TMPRSS9: variants seen among roughly 807,000 people sequenced by gnomAD.
TMPRSS9 encodes the protein transmembrane serine protease 9, also known as transmembrane protease serine 9.
In TMPRSS9, 113 loss-of-function variants were observed where a neutral mutation model predicts 111.4. That is an observed-to-expected ratio of 1.01 (90% CI 0.87 to 1.19). The LOEUF is 1.19. TMPRSS9 is among the 50% of genes most tolerant of loss of function. The probability of loss-of-function intolerance (pLI) is 0.00; values close to 1 mark genes in which losing one functional copy is unlikely to be tolerated. For synonymous variants in TMPRSS9, 805 were observed against 659.1 expected, an observed-to-expected ratio of 1.22 and a Z score of -3.39; for missense variants, 1,803 against 1,513.1, an observed-to-expected ratio of 1.19 and a Z score of -3.18.
upstream of TMPRSS9, among the ~76,000 whole-genome samples, chr19:2,386,135 A>G (rs974745204): frequency 9.2e-5 from 14 of 152,012 alleles, no homozygotes; most frequent in Non-Finnish European, 2.1e-4. Context: ...TTTTCTGTCG[A>G]CATGGGGTCT....
At chr19:2,389,973 T>C (rs200971317) in intron 1 of TMPRSS9, 46 bp downstream of exon 2, 4 of 1,579,648 alleles carry the variant, frequency 2.5e-6, no homozygotes, top group Non-Finnish European at 3.5e-6. Flanking sequence ...AAGGGACATG[T>C]GCAAAGTCAC....
chr19:2,418,569 TGG>T (rs1194495489), intron 13 of TMPRSS9, among the ~76,000 whole-genome samples: 1 of 5,678 alleles, frequency 1.8e-4, no homozygotes, highest in Non-Finnish European at 4.4e-4. Flanking sequence ...CTTCCCTCCC[TGG>T]CCTTTCCTTC....
chr19:2,368,524 G>C (rs1216704598), intron 1 of TMPRSS9, among the ~76,000 whole-genome samples: 2 of 152,140 alleles, frequency 1.3e-5, no homozygotes, highest in Non-Finnish European at 2.9e-5. Flanking sequence ...CCCGGTCGCT[G>C]TGGGGAGGTT....
chr19:2,378,820 T>C lies in TMPRSS9; in HGVS notation c.-25-10941T>C, dbSNP rs192083114. Among the ~76,000 whole-genome samples the C allele has an allele frequency of 1.1e-3, 161 of 152,270 alleles. 1 individual carries two copies. The highest frequency in any genetic ancestry group is 3.8e-3 in the African/African-American group (156 of 41,546). On this transcript the variant is annotated intron_variant, in intron 1 of 17. Transcript: ENST00000649857. ...GGAGGCCTCAGGAAACTTACAATCA[T>C]GGCGGAAGGAGGAGCAAACATGTCC...
At chr19:2,394,315 A>T (rs2145296450) in intron 1 of TMPRSS9, among the ~76,000 whole-genome samples, 1 of 152,270 alleles carries the variant, frequency 6.6e-6, no homozygotes, top group South Asian at 2.1e-4. Flanking sequence ...TGAGCCCATG[A>T]GGTCGAGGCT....
chr19:2,382,427 C>T (rs1459162645), intron 1 of TMPRSS9, among the ~76,000 whole-genome samples: 3 of 152,162 alleles, frequency 2.0e-5, no homozygotes, highest in East Asian at 1.9e-4. Context: ...CCACCGCGCC[C>T]GGTCAAAACA....
At chr19:2,425,542 GA>G in intron 17 of TMPRSS9, 49 bp downstream of exon 18, 1 of 1,480,510 alleles carries the variant, frequency 6.8e-7, no homozygotes, top group Non-Finnish European at 8.9e-7. Context: ...AGCCGCCGGG[GA>G]GGGCGGGTTC....
chr19:2,361,588 C>T (rs1418889887), intron 1 of TMPRSS9, among the ~76,000 whole-genome samples: 2 of 152,138 alleles, frequency 1.3e-5, no homozygotes, highest in Non-Finnish European at 2.9e-5. Context: ...GCAGGAAACC[C>T]AGGCTGGGGA....
intron 14 of TMPRSS9, 99 bp downstream of exon 15, chr19:2,422,346 G>A (rs569341781): frequency 1.3e-5 from 18 of 1,371,462 alleles, no homozygotes; most frequent in Middle Eastern, 2.7e-4. Flanking sequence ...TTGGGAGGCC[G>A]AGGCGGGCGG....
chr19:2,390,008 C>T, intron 1 of TMPRSS9, 81 bp downstream of exon 2: 1 of 1,523,312 alleles, frequency 6.6e-7, no homozygotes, highest in South Asian at 1.2e-5. Flanking sequence ...ATGGTGTCTC[C>T]TTGGCCATCT....
Position 2,405,340 on chromosome 19 carries a change from G to C in TMPRSS9, c.671-34G>C, listed in dbSNP as rs776018765. On this transcript the variant is annotated intron_variant, in intron 6 of 17. Coordinates refer to ENST00000648592, the Ensembl canonical transcript of TMPRSS9. ...GAGTTCAGGGTGAGGTCCTGCCTTCGTGGGGTCATGGCTGGTGACCTGCTG... is the reference window on the plus strand; with the variant it reads ...GAGTTCAGGGTGAGGTCCTGCCTTCCTGGGGTCATGGCTGGTGACCTGCTG... The C allele has an allele frequency of 9.7e-5, 151 of 1,555,456 alleles. 1 individual carries two copies. Among genetic ancestry groups the C allele is most frequent in the Middle Eastern group, 3.4e-4 (2 of 5,868 alleles).
chr19:2,417,626 C>T (rs1307364589), intron 12 of TMPRSS9, among the ~76,000 whole-genome samples: 1 of 152,084 alleles, frequency 6.6e-6, no homozygotes, highest in Non-Finnish European at 1.5e-5. Context: ...CCAGCCTGGG[C>T]AACAGAGCAA....
intron 15 of TMPRSS9, among the ~76,000 whole-genome samples, 177 bp from the exon 17 acceptor site, chr19:2,424,825 C>T (rs1568194633): frequency 6.6e-6 from 1 of 152,104 alleles, no homozygotes; most frequent in Non-Finnish European, 1.5e-5. Flanking sequence ...GGCTGCAGTT[C>T]CCGGTGCCGC....
intron 1 of TMPRSS9, among the ~76,000 whole-genome samples, chr19:2,377,289 GTATA>G (rs1329059774): frequency 1.2e-3 from 133 of 110,138 alleles, no homozygotes; most frequent in African/African-American, 2.2e-3. Context: ...ATGTATGTAT[GTATA>G]TATGTATGTA....
chr19:2,402,382 C>T (rs1389025299), intron 5 of TMPRSS9, among the ~76,000 whole-genome samples: 1 of 152,034 alleles, frequency 6.6e-6, no homozygotes, highest in Non-Finnish European at 1.5e-5. Flanking sequence ...GCAGAGGCTG[C>T]GGTGAGCTGA....
At chr19:2,394,785 C>CT (rs1970673130) in intron 1 of TMPRSS9, among the ~76,000 whole-genome samples, 1 of 128,186 alleles carries the variant, frequency 7.8e-6, no homozygotes, top group Non-Finnish European at 1.6e-5. Flanking sequence ...TAATTACGGC[C>CT]ATTTTTTTTG....
At chr19:2,402,137 C>T (rs918657120) in intron 5 of TMPRSS9, 121 bp downstream of exon 6, 15 of 821,194 alleles carry the variant, frequency 1.8e-5, no homozygotes, top group African/African-American at 5.5e-5. Flanking sequence ...TCACATCTGT[C>T]GTCCCAGCAC....
chr19:2,405,546 G>A lies in TMPRSS9; in HGVS notation c.842+1G>A. The A allele has an allele frequency of 1.9e-6, 3 of 1,554,076 alleles. No individual in the cohort carries two copies. Among genetic ancestry groups the A allele is most frequent in the Non-Finnish European group, 1.7e-6 (2 of 1,152,460 alleles). ...TGTCTGCTGCTCACTGCTTCAATGA[G>A]TAAGCCCCCATCCCAAAGCACCAAA... On this transcript the variant is annotated splice_donor_variant, in intron 7 of 17. Coordinates refer to ENST00000648592, the Ensembl canonical transcript of TMPRSS9. LOFTEE classifies it high-confidence loss of function.
chr19:2,423,719 G>A (rs1304768038), intron 14 of TMPRSS9, among the ~76,000 whole-genome samples: 2 of 152,230 alleles, frequency 1.3e-5, no homozygotes, highest in East Asian at 3.9e-4. Flanking sequence ...TCCAGGCAGA[G>A]GGCACCAAGG....
Sources: allele counts gnomAD v4.1 joint callset (sites outside exome capture counted in the v4.1 genomes callset), GRCh38; gene constraint gnomAD v4.1.1; transcripts MANE v1.5; gene names NCBI Gene and HGNC (gene_info 2026-07-23, HGNC 2026-07-21).